The following TBC1D21 variants were observed in gnomAD, a reference collection of about 807,000 sequenced individuals.
TBC1D21 encodes the protein TBC1 domain family member 21.
In TBC1D21, 38 loss-of-function variants were observed where a neutral mutation model predicts 46.0. That is an observed-to-expected ratio of 0.83 (90% CI 0.64 to 1.08). The LOEUF (loss-of-function observed/expected upper bound fraction) is 1.08, where lower values mean the gene tolerates loss of function less well. Ranked by LOEUF, TBC1D21 falls within the 50% of genes least tolerant of loss-of-function variation. TBC1D21 has a pLI of 0.00. For missense variants in TBC1D21, 415 were observed against 417.9 expected, an observed-to-expected ratio of 0.99 and a Z score of 0.06; for synonymous variants, 151 against 157.2, an observed-to-expected ratio of 0.96 and a Z score of 0.29.
chr15:73,900,306 C>T, the TBC1D21 span, among the ~76,000 whole-genome samples: 1 of 152,232 alleles, frequency 6.6e-6, no homozygotes, highest in Admixed American at 6.5e-5. Context: ...GCAAAAAGTG[C>T]CCGGCGCGGG....
chr15:73,886,697 T>C, intron 8 of TBC1D21, 85 bp downstream of exon 8: 1 of 1,294,048 alleles, frequency 7.7e-7, no homozygotes, highest in Non-Finnish European at 1.1e-6. Flanking sequence ...CCTCCCCCTT[T>C]CTTCCTGGCT....
intron 6 of TBC1D21, among the ~76,000 whole-genome samples, chr15:73,885,383 C>T (rs892184777): frequency 6.6e-6 from 1 of 152,202 alleles, no homozygotes. Context: ...GTGCCCTCTC[C>T]TGGCATTTTC....
the TBC1D21 span, among the ~76,000 whole-genome samples, chr15:73,898,496 A>G: frequency 6.6e-6 from 1 of 152,324 alleles, no homozygotes; most frequent in East Asian, 1.9e-4. Flanking sequence ...TAATAGCCAC[A>G]TTTAAGAAGA....
chr15:73,876,225 T>TTTTTTTTTTTTTTTTTTTTGTTTG (rs2068063790), intron 1 of TBC1D21, among the ~76,000 whole-genome samples: 2 of 59,008 alleles, frequency 3.4e-5, no homozygotes, highest in Non-Finnish European at 6.2e-5. Flanking sequence ...TTTTTTTTTT[T>TTTTTTTTTTTTTTTTTTTTGTTTG]TTTTTTTTTT....
chr15:73,898,741 G>A, the TBC1D21 span, among the ~76,000 whole-genome samples: 1 of 150,618 alleles, frequency 6.6e-6, no homozygotes. Flanking sequence ...GCATGTGCCT[G>A]TAATTCCAGC....
rs371542773 is a variant in TBC1D21, at chr15:73,881,756, C to A, written c.272+9C>A. 1.9e-6 allele frequency: 3 copies of A among 1,612,368 alleles called. No homozygotes were observed. Among genetic ancestry groups the A allele is most frequent in the Non-Finnish European group, 2.5e-6 (3 of 1,179,182 alleles). On this transcript the variant is annotated intron_variant, in intron 3 of 10. Coordinates refer to ENST00000300504, the MANE Select transcript of TBC1D21 (RefSeq NM_153356.3). Reference sequence around the variant, plus strand: ...GTGGACAGCATGAGGAGGTAGAACACTCCAGACCCTGCTGGGACAGGAGGG... The same window carrying A: ...GTGGACAGCATGAGGAGGTAGAACAATCCAGACCCTGCTGGGACAGGAGGG...
intron 7 of TBC1D21, 27 bp downstream of exon 7, chr15:73,886,201 T>A (rs769255168): frequency 1.3e-6 from 2 of 1,598,858 alleles, no homozygotes; most frequent in African/African-American, 2.7e-5. Flanking sequence ...TCCTGCCACC[T>A]CACGCACCCC....
chr15:73,884,324 G>A (rs1398405226), intron 4 of TBC1D21, 79 bp downstream of exon 4: 31 of 1,310,472 alleles, frequency 2.4e-5, no homozygotes, highest in Non-Finnish European at 3.0e-5. Context: ...CCACTTCCAG[G>A]GAGGGATGGC....
the TBC1D21 span, among the ~76,000 whole-genome samples, chr15:73,897,185 G>T: frequency 6.6e-6 from 1 of 152,098 alleles, no homozygotes; most frequent in Non-Finnish European, 1.5e-5. Flanking sequence ...ACCCTAAGTG[G>T]GCTGCAGTGT....
the TBC1D21 span, among the ~76,000 whole-genome samples, chr15:73,899,289 C>A: frequency 6.6e-6 from 1 of 152,124 alleles, no homozygotes; most frequent in Non-Finnish European, 1.5e-5. Context: ...GCTGGATGCA[C>A]CCTCAATTCC....
chr15:73,898,638 C>T, the TBC1D21 span, among the ~76,000 whole-genome samples: 18 of 151,276 alleles, frequency 1.2e-4, no homozygotes, highest in Admixed American at 2.6e-4. Flanking sequence ...CTGAGGTGGG[C>T]GGATCACTTG....
At chr15:73,902,046 T>C in the TBC1D21 span, among the ~76,000 whole-genome samples, 1 of 152,176 alleles carries the variant, frequency 6.6e-6, no homozygotes, top group Non-Finnish European at 1.5e-5. Flanking sequence ...ACTCCTGGCT[T>C]CATGCAATCC....
chr15:73,885,470 A>G (rs536496662), intron 6 of TBC1D21, among the ~76,000 whole-genome samples: 1 of 152,216 alleles, frequency 6.6e-6, no homozygotes, highest in African/African-American at 2.4e-5. Flanking sequence ...ATAAAATCCA[A>G]TAACCTTAGC....
At position 73,889,155 on chromosome 15, in the gene TBC1D21, G is replaced by A. The variant is rs1234655233; in HGVS notation, c.*54G>A. ...CCTTCGATGGGCAGGATGAAGGCCA[G>A]GGGCACTGGAGTGAGGGAGTAGATA... is the stretch of plus-strand genomic sequence containing the variant. On this transcript the variant is annotated 3_prime_UTR_variant, in exon 11 of 11. Coordinates refer to ENST00000300504, the MANE Select transcript of TBC1D21 (RefSeq NM_153356.3). 2.5e-6 allele frequency: 4 copies of A among 1,590,048 alleles called. No homozygotes were observed. The highest frequency in any genetic ancestry group is 3.4e-6 in the Non-Finnish European group (4 of 1,162,440).
At chr15:73,884,058 G>A (rs777956909) in intron 3 of TBC1D21, 93 bp from the exon 4 acceptor site, 67 of 1,038,490 alleles carry the variant, frequency 6.5e-5, no homozygotes, top group Non-Finnish European at 9.2e-5. Context: ...TGCTGCCCTG[G>A]ATCTGCCTGG....
the TBC1D21 span, among the ~76,000 whole-genome samples, chr15:73,898,880 A>AAAAAAAAAAAATATATATATATATATAT: frequency 1.8e-4 from 10 of 56,794 alleles, no homozygotes; most frequent in Admixed American, 5.3e-4. Flanking sequence ...AAAAAAAAAA[A>AAAAAAAAAAAATATATATATATATATAT]ATATATATAT....
At chr15:73,881,253 C>T in intron 1 of TBC1D21, 146 bp from the exon 2 acceptor site, 1 of 597,860 alleles carries the variant, frequency 1.7e-6, no homozygotes, top group East Asian at 2.8e-5. Flanking sequence ...TATATATTTT[C>T]AGTAATGTCC....
chr15:73,876,464 C>T (rs1322496407), intron 1 of TBC1D21, among the ~76,000 whole-genome samples: 9 of 147,040 alleles, frequency 6.1e-5, no homozygotes, highest in Non-Finnish European at 1.2e-4. Flanking sequence ...AGGATGGTCT[C>T]GATCTCTTGA....
chr15:73,878,835 G>A (rs2068105810), intron 1 of TBC1D21, among the ~76,000 whole-genome samples: 1 of 152,194 alleles, frequency 6.6e-6, no homozygotes. Flanking sequence ...CCGGGACACA[G>A]CCCAGCTTTG....
Sources: allele counts gnomAD v4.1 joint callset (sites outside exome capture counted in the v4.1 genomes callset), GRCh38; gene constraint gnomAD v4.1.1; transcripts MANE v1.5; gene names NCBI Gene and HGNC (gene_info 2026-07-23, HGNC 2026-07-21).